Variants in CHCHD3 observed in about 807,000 individuals in gnomAD.
CHCHD3 encodes the protein MICOS complex subunit MIC19.
Under a neutral mutation model 38.2 loss-of-function variants are expected in CHCHD3, and 20 were observed. The ratio of observed to expected loss-of-function variants is 0.52; its 90% CI spans 0.37 to 0.76. The LOEUF (loss-of-function observed/expected upper bound fraction) is 0.76. Among genes scored for constraint, CHCHD3 ranks in the 30% least tolerant of loss-of-function variants. The probability of loss-of-function intolerance (pLI) is 0.00; values close to 1 mark genes in which losing one functional copy is unlikely to be tolerated. For missense variants in CHCHD3, 245 were observed against 279.2 expected, an observed-to-expected ratio of 0.88 and a Z score of 0.87; for synonymous variants, 82 against 100.0, an observed-to-expected ratio of 0.82 and a Z score of 1.07.
chr7:132,912,185 G>A (rs1161898077), intron 4 of CHCHD3, among the ~76,000 whole-genome samples: 7 of 152,068 alleles, frequency 4.6e-5, no homozygotes, highest in African/African-American at 1.7e-4. Flanking sequence ...CTTTAAATTA[G>A]CTCTATTTCA....
At chr7:132,992,910 T>A (rs1812320696) in intron 3 of CHCHD3, among the ~76,000 whole-genome samples, 2 of 152,208 alleles carry the variant, frequency 1.3e-5, no homozygotes, top group Non-Finnish European at 2.9e-5. Context: ...GAATTAAAAT[T>A]AATAAATTTT....
chr7:132,870,341 C>T (rs187489727), intron 5 of CHCHD3, among the ~76,000 whole-genome samples: 2 of 129,730 alleles, frequency 1.5e-5, no homozygotes, highest in Admixed American at 1.6e-4. Flanking sequence ...CACTGCGAGA[C>T]CTATCTCACC....
chr7:133,017,024 G>A (rs1310413076), intron 3 of CHCHD3, among the ~76,000 whole-genome samples: 1 of 152,180 alleles, frequency 6.6e-6, no homozygotes, highest in Admixed American at 6.5e-5. Context: ...AACACAAAGT[G>A]TCCAAATTTG....
chr7:132,957,487 T>C (rs181648527), intron 4 of CHCHD3, among the ~76,000 whole-genome samples: 98 of 152,126 alleles, frequency 6.4e-4, no homozygotes, highest in Non-Finnish European at 1.0e-3. Context: ...AAGTTTCTTT[T>C]TTTCTTTTTT....
At chr7:132,825,225 T>C (rs1358528455) in intron 6 of CHCHD3, among the ~76,000 whole-genome samples, 1 of 152,104 alleles carries the variant, frequency 6.6e-6, no homozygotes, top group Non-Finnish European at 1.5e-5. Flanking sequence ...CAAAGCAAAA[T>C]TGTTGCATTA....
intron 5 of CHCHD3, among the ~76,000 whole-genome samples, chr7:132,839,872 C>T (rs911818599): frequency 1.3e-5 from 2 of 152,210 alleles, no homozygotes; most frequent in Admixed American, 1.3e-4. Flanking sequence ...CTAACATTTA[C>T]TATAATCTTA....
intron 4 of CHCHD3, among the ~76,000 whole-genome samples, chr7:132,970,695 A>G (rs989386530): frequency 1.3e-5 from 2 of 152,210 alleles, no homozygotes; most frequent in African/African-American, 2.4e-5. Context: ...CTGTCCAAAG[A>G]GTAATGGAAG....
At chr7:133,061,829 T>TA (rs2117521825) in intron 2 of CHCHD3, among the ~76,000 whole-genome samples, 1 of 152,308 alleles carries the variant, frequency 6.6e-6, no homozygotes, top group East Asian at 1.9e-4. Flanking sequence ...AATTCGGTGA[T>TA]AAAGTTTGGA....
chr7:133,015,279 G>A (rs746492256), intron 3 of CHCHD3, among the ~76,000 whole-genome samples: 22 of 151,894 alleles, frequency 1.4e-4, no homozygotes, highest in Non-Finnish European at 2.2e-4. Flanking sequence ...GGAGGCGGAG[G>A]TTGCAGTGAG....
intron 2 of CHCHD3, among the ~76,000 whole-genome samples, chr7:133,062,670 G>A (rs1338367235): frequency 6.6e-6 from 1 of 152,112 alleles, no homozygotes; most frequent in Non-Finnish European, 1.5e-5. Context: ...GAAATTACTA[G>A]GTCATAACTC....
chr7:132,823,349 A>G (rs941488795), intron 6 of CHCHD3, among the ~76,000 whole-genome samples: 3 of 152,308 alleles, frequency 2.0e-5, no homozygotes, highest in Admixed American at 6.5e-5. Context: ...TCCTACACAT[A>G]CCTCTATGAT....
chr7:132,987,166 A>G (rs1463573005), intron 3 of CHCHD3, among the ~76,000 whole-genome samples: 2 of 152,146 alleles, frequency 1.3e-5, no homozygotes, highest in African/African-American at 4.8e-5. Flanking sequence ...TTCAGCCTAT[A>G]GATTAGGGGA....
At chr7:133,053,671 T>C (rs1814232151) in intron 2 of CHCHD3, among the ~76,000 whole-genome samples, 1 of 152,230 alleles carries the variant, frequency 6.6e-6, no homozygotes, top group African/African-American at 2.4e-5. Context: ...TTCAAAATAG[T>C]TGGCAATTAT....
At chr7:132,913,724 A>AG (rs1392936256) in intron 4 of CHCHD3, among the ~76,000 whole-genome samples, 4 of 152,184 alleles carry the variant, frequency 2.6e-5, no homozygotes, top group Non-Finnish European at 5.9e-5. Flanking sequence ...GAGGCACCAC[A>AG]GGGGGCTCAG....
chr7:132,838,576 C>T (rs1455420210), intron 5 of CHCHD3, 107 bp from the exon 6 acceptor site: 2 of 753,248 alleles, frequency 2.7e-6, no homozygotes, highest in Admixed American at 2.5e-5. Flanking sequence ...GCCACTCAAG[C>T]AGTAGAAGAC....
chr7:132,841,485 G>C (rs1807938892), intron 5 of CHCHD3, among the ~76,000 whole-genome samples: 1 of 149,632 alleles, frequency 6.7e-6, no homozygotes, highest in South Asian at 2.1e-4. Context: ...TCCAATGAGA[G>C]AACGGATAAC....
intron 1 of CHCHD3, among the ~76,000 whole-genome samples, chr7:133,071,136 G>A (rs1584687073): frequency 6.6e-6 from 1 of 152,104 alleles, no homozygotes. Context: ...AGTTACTATC[G>A]CGTCATCCTT....
chr7:132,926,263 T>G (rs1400727730), intron 4 of CHCHD3, among the ~76,000 whole-genome samples: 1 of 152,080 alleles, frequency 6.6e-6, no homozygotes, highest in Non-Finnish European at 1.5e-5. Context: ...TCAGTAGAGT[T>G]TGGAAAGGGG....
intron 6 of CHCHD3, among the ~76,000 whole-genome samples, chr7:132,804,242 T>C (rs1450072457): frequency 6.6e-6 from 1 of 152,194 alleles, no homozygotes; most frequent in Non-Finnish European, 1.5e-5. Context: ...ACATACTTCA[T>C]GGACCTTCTT....
Sources: allele counts gnomAD v4.1 joint callset (sites outside exome capture counted in the v4.1 genomes callset), GRCh38; gene constraint gnomAD v4.1.1; transcripts MANE v1.5; gene names NCBI Gene and HGNC (gene_info 2026-07-23, HGNC 2026-07-21).